The following ASPRV1 variants were observed in gnomAD, a reference collection of about 807,000 sequenced individuals.
The protein encoded by ASPRV1 is aspartic peptidase retroviral like 1.
A neutral mutation model predicts 11.0 loss-of-function variants in ASPRV1; 7 were observed. That is an observed-to-expected ratio of 0.64 (90% CI 0.36 to 1.20). ASPRV1 has a LOEUF of 1.20. Among genes scored for constraint, ASPRV1 ranks in the 50% most tolerant of loss-of-function variants. ASPRV1 has a pLI of 0.02. For missense variants in ASPRV1, 299 were observed against 320.0 expected (o/e 0.93, Z 0.50); for synonymous variants, 136 against 138.4 (o/e 0.98, Z 0.12).
the ASPRV1 span, among the ~76,000 whole-genome samples, chr2:70,080,054 T>G: frequency 1.3e-5 from 2 of 152,206 alleles, no homozygotes; most frequent in Non-Finnish European, 2.9e-5. Context: ...GTATTTTTTT[T>G]GTTCTGCATA....
the ASPRV1 span, among the ~76,000 whole-genome samples, chr2:70,061,783 T>C: frequency 6.6e-6 from 1 of 151,744 alleles, no homozygotes. Flanking sequence ...ACCCTGTCTC[T>C]ACTAAAAATA....
At chr2:70,084,487 T>C in the ASPRV1 span, among the ~76,000 whole-genome samples, 1 of 152,232 alleles carries the variant, frequency 6.6e-6, no homozygotes, top group South Asian at 2.1e-4. Flanking sequence ...CTGTGTGACC[T>C]TGGATAAATT....
the ASPRV1 span, among the ~76,000 whole-genome samples, chr2:69,933,354 T>C: frequency 6.6e-6 from 1 of 152,128 alleles, no homozygotes; most frequent in African/African-American, 2.4e-5. Context: ...AAGAATATTA[T>C]CCAAGATGAA....
At chr2:69,934,874 A>C in the ASPRV1 span, among the ~76,000 whole-genome samples, 12 of 152,344 alleles carry the variant, frequency 7.9e-5, no homozygotes, top group Non-Finnish European at 1.5e-4. Context: ...AATCTTTGCT[A>C]TTACAAATAA....
chr2:69,948,222 C>T, the ASPRV1 span, among the ~76,000 whole-genome samples: 1 of 152,080 alleles, frequency 6.6e-6, no homozygotes, highest in Admixed American at 6.5e-5. Context: ...CACTCCAGCC[C>T]GGGCCACAGA....
rs763475963 is a variant in ASPRV1, at chr2:69,961,267, G to A, written c.170C>T (p.Ser57Phe). The A allele has an allele frequency of 1.2e-6, 2 of 1,614,008 alleles. No homozygotes were observed. The highest frequency in any genetic ancestry group is 2.7e-5 in the African/African-American group (2 of 74,914). The part of the protein sequence containing the change: ...HITKLRFLKE[S>F]LRGEALGVYN... ...GACACCCAGGGCCTCTCCTCTGAGG[G>A]ACTCTTTCAGGAACCTTAGCTTGGT... Residue 57 changes from serine to phenylalanine, a missense_variant, in exon 1 of 1, where the codon TCC (serine) becomes TTC (phenylalanine). Coordinates refer to ENST00000320256, the MANE Select transcript of ASPRV1 (RefSeq NM_152792.4).
At chr2:70,056,319 GTTAAGGCCGGGCGCGGTGGCTCACGCC>G in the ASPRV1 span, 1 of 152,106 alleles carries the variant, frequency 6.6e-6, no homozygotes, top group South Asian at 2.1e-4. Context: ...CTTAAAAGTG[GTTAAGGCCGGGCGCGGTGGCTCACGCC>G]TGTAATCCCA....
chr2:70,019,586 A>G, the ASPRV1 span, among the ~76,000 whole-genome samples: 2 of 152,344 alleles, frequency 1.3e-5, no homozygotes, highest in Non-Finnish European at 2.9e-5. Flanking sequence ...CATCCTTTAA[A>G]AGGAAGGAAA....
the ASPRV1 span, among the ~76,000 whole-genome samples, chr2:70,060,671 C>G: frequency 1.3e-5 from 2 of 152,084 alleles, no homozygotes; most frequent in African/African-American, 2.4e-5. Context: ...ACAAAATTAA[C>G]CAGGTGTGGT....
the ASPRV1 span, among the ~76,000 whole-genome samples, chr2:69,975,022 T>C: frequency 6.6e-6 from 1 of 152,184 alleles, no homozygotes; most frequent in Non-Finnish European, 1.5e-5. Context: ...GAGCCGACTG[T>C]GGGTCACACG....
chr2:69,984,144 T>G, the ASPRV1 span, among the ~76,000 whole-genome samples: 14 of 152,174 alleles, frequency 9.2e-5, no homozygotes, highest in Admixed American at 9.2e-4. Context: ...GTTTAAGCAA[T>G]TCTCCTGCCT....
the ASPRV1 span, among the ~76,000 whole-genome samples, chr2:70,068,449 C>T: frequency 6.6e-6 from 1 of 152,148 alleles, no homozygotes; most frequent in Admixed American, 6.6e-5. Context: ...CGGCAAGCTG[C>T]ATTCTGTGAG....
the ASPRV1 span, among the ~76,000 whole-genome samples, chr2:69,944,497 A>G: frequency 6.6e-6 from 1 of 152,218 alleles, no homozygotes; most frequent in Non-Finnish European, 1.5e-5. Flanking sequence ...GGGAGAGAGA[A>G]GTGAGGCATT....
At chr2:69,967,118 T>A in the ASPRV1 span, among the ~76,000 whole-genome samples, 3 of 152,186 alleles carry the variant, frequency 2.0e-5, no homozygotes, top group African/African-American at 7.2e-5. Context: ...GAATGGACAA[T>A]GCCAAATAGG....
At chr2:70,056,432 C>A in the ASPRV1 span, 1 of 151,530 alleles carries the variant, frequency 6.6e-6, no homozygotes, top group Non-Finnish European at 1.5e-5. Context: ...GGTGAAACCC[C>A]GTCTCTACTA....
chr2:69,955,018 G>A, the ASPRV1 span, among the ~76,000 whole-genome samples: 1 of 152,234 alleles, frequency 6.6e-6, no homozygotes, highest in Non-Finnish European at 1.5e-5. Context: ...GTCAAAACTT[G>A]AGAGCCAATT....
the ASPRV1 span, chr2:70,071,782 G>A: frequency 3.3e-5 from 5 of 149,294 alleles, no homozygotes; most frequent in Non-Finnish European, 3.0e-5. Flanking sequence ...TTAATGAGAA[G>A]TCTCAATTAG....
chr2:69,985,853 T>C, the ASPRV1 span, among the ~76,000 whole-genome samples: 1 of 152,150 alleles, frequency 6.6e-6, no homozygotes, highest in Non-Finnish European at 1.5e-5. Context: ...CAGATGGCAG[T>C]GTTAGCCACA....
chr2:70,072,716 C>T, the ASPRV1 span, among the ~76,000 whole-genome samples: 5 of 151,314 alleles, frequency 3.3e-5, no homozygotes, highest in African/African-American at 7.3e-5. Context: ...AGCAAGATTT[C>T]GTCTCAAAAA....
Sources: allele counts gnomAD v4.1 joint callset (sites outside exome capture counted in the v4.1 genomes callset), GRCh38; gene constraint gnomAD v4.1.1; transcripts MANE v1.5; gene names NCBI Gene and HGNC (gene_info 2026-07-23, HGNC 2026-07-21).